DAGLA: variants seen among roughly 807,000 people sequenced by gnomAD.
DAGLA encodes diacylglycerol lipase-alpha.
A neutral mutation model predicts 102.6 loss-of-function variants in DAGLA; 22 were observed. The ratio of observed to expected loss-of-function variants is 0.21; its 90% CI spans 0.15 to 0.31. DAGLA has a LOEUF of 0.31. DAGLA is among the 10% of genes least tolerant of loss of function. The pLI, the probability that DAGLA is intolerant of heterozygous loss-of-function variation, is 1.00. For missense variants in DAGLA, 927 were observed against 1,446.6 expected (o/e 0.64, Z 5.83); for synonymous variants, 578 against 628.9 (o/e 0.92, Z 1.21).
At position 61,734,324 on chromosome 11, in the gene DAGLA, G is replaced by A. The variant is rs1320664943; in HGVS notation, c.975-525G>A. 1.3e-5 allele frequency among the ~76,000 whole-genome samples: 2 copies of A among 151,996 alleles called. No homozygotes were observed. The highest frequency in any genetic ancestry group is 4.8e-5 in the African/African-American group (2 of 41,370). Reference sequence around the variant, plus strand: ...AGGCCAAGCCACCGAGGGGCCTTGGGAAGACCTCAGGAGGGTTGGGGTACA... The same window carrying A: ...AGGCCAAGCCACCGAGGGGCCTTGGAAAGACCTCAGGAGGGTTGGGGTACA... On this transcript the variant is annotated intron_variant, in intron 9 of 19. Coordinates refer to ENST00000257215, the MANE Select transcript of DAGLA (RefSeq NM_006133.3). This position sits in a 1 kb window ranked among gnomAD's most constrained non-coding sequence, Gnocchi z 4.2.
intron 1 of DAGLA, among the ~76,000 whole-genome samples, chr11:61,681,506 G>A (rs2064942051): frequency 6.6e-6 from 1 of 152,154 alleles, no homozygotes; most frequent in Admixed American, 6.5e-5. Context: ...GGGTCAGCGA[G>A]TGAGGGAGTG....
intron 9 of DAGLA, among the ~76,000 whole-genome samples, chr11:61,733,353 T>G (rs921318646): frequency 6.6e-6 from 1 of 152,172 alleles, no homozygotes; most frequent in East Asian, 1.9e-4. Flanking sequence ...ACCTGCAGTG[T>G]GGGGGACCAT....
rs781470112 is a variant in DAGLA, at chr11:61,734,400, G to A, written c.975-449G>A. Among the ~76,000 whole-genome samples the A allele has an allele frequency of 6.6e-6, 1 of 152,048 alleles. No individual in the cohort carries two copies. The highest frequency in any genetic ancestry group is 2.4e-5 in the African/African-American group (1 of 41,382). On this transcript the variant is annotated intron_variant, in intron 9 of 19. Coordinates refer to ENST00000257215, the MANE Select transcript of DAGLA (RefSeq NM_006133.3). The surrounding 1 kb of genome is among the most constrained non-coding windows in gnomAD (Gnocchi z 4.2). Reference sequence around the variant, plus strand: ...GGCAGGGTGTCAGGTGTCCGAGAGAGGTGCTGGCTAGGCCATTGGATGGAA... The same window carrying A: ...GGCAGGGTGTCAGGTGTCCGAGAGAAGTGCTGGCTAGGCCATTGGATGGAA...
intron 1 of DAGLA, among the ~76,000 whole-genome samples, chr11:61,700,573 C>T (rs1481124625): frequency 1.3e-5 from 2 of 152,200 alleles, no homozygotes. Context: ...GTCCTCAGGC[C>T]AAGGGGAACA....
rs2065527858 is a variant in DAGLA at position 61,745,359 on chromosome 11, C to G, written c.*870C>G. On this transcript the variant is annotated 3_prime_UTR_variant, in exon 20 of 20. Transcript: ENST00000257215. ...GAAGGAAGGCACTGAGAGCCCCCTT[C>G]CTCTGAGGGCCCCACCTCACCCCTT... 1 of 152,698 alleles carries G rather than the reference C, an allele frequency of 6.5e-6. No homozygotes were observed. The highest frequency in any genetic ancestry group is 1.5e-5 in the Non-Finnish European group (1 of 68,266). The allele number at this position is 152,698 out of a possible 1,614,324, so 9.5% of individuals were successfully genotyped here. A position where few individuals can be genotyped will look rare whatever the true frequency, so the allele number is the denominator to read the frequency against.
chr11:61,744,022 GGGCC>G lies in DAGLA; in HGVS notation c.2667_2670del (p.Ala890ProfsTer113), dbSNP rs2065510700. ...GGAAGAGGTTGGCGGTGGGGGTGGC[GGGCC>G]GGCCTCCCGCGGGGAGCTGGCGCTG... On this transcript the variant is annotated frameshift_variant, in exon 20 of 20. Coordinates refer to ENST00000257215, the MANE Select transcript of DAGLA (RefSeq NM_006133.3). LOFTEE classifies it high-confidence loss of function. The G allele has an allele frequency of 6.2e-7, 1 of 1,611,952 alleles. No individual in the cohort carries two copies. Among genetic ancestry groups the G allele is most frequent in the Non-Finnish European group, 8.5e-7 (1 of 1,179,704 alleles).
chr11:61,733,048 G>A (rs965191727), intron 9 of DAGLA, among the ~76,000 whole-genome samples: 2 of 152,198 alleles, frequency 1.3e-5, no homozygotes, highest in African/African-American at 4.8e-5. Flanking sequence ...GGAGCCACTC[G>A]TTATTAAGAA....
intron 8 of DAGLA, among the ~76,000 whole-genome samples, chr11:61,730,455 T>C (rs967979507): frequency 1.3e-5 from 2 of 152,132 alleles, no homozygotes; most frequent in African/African-American, 4.8e-5. Context: ...CAGGGATGTT[T>C]CCACCCCTCC....
chr11:61,730,240 C>G (rs1339221746), intron 8 of DAGLA, among the ~76,000 whole-genome samples: 1 of 152,010 alleles, frequency 6.6e-6, no homozygotes, highest in Non-Finnish European at 1.5e-5. Context: ...TTCTCACCAC[C>G]TTCTCCCTCC....
At chr11:61,737,935 C>T (rs954200288) in intron 15 of DAGLA, among the ~76,000 whole-genome samples, 180 bp downstream of exon 15, 7 of 152,050 alleles carry the variant, frequency 4.6e-5, no homozygotes, top group African/African-American at 9.7e-5. Context: ...CACGTGCTGG[C>T]GCCCGCCCTG....
chr11:61,713,272 T>C (rs2065209048), intron 1 of DAGLA, among the ~76,000 whole-genome samples: 1 of 152,206 alleles, frequency 6.6e-6, no homozygotes, highest in Non-Finnish European at 1.5e-5. Flanking sequence ...AGAAACAGCA[T>C]GCAGAGGTAA....
rs1041628944 is a variant in DAGLA at position 61,684,487 on chromosome 11, G to T, written c.-45+3983G>T. On this transcript the variant is annotated intron_variant, in intron 1 of 19. Coordinates refer to ENST00000257215, the MANE Select transcript of DAGLA (RefSeq NM_006133.3). The surrounding 1 kb of genome is among the most constrained non-coding windows in gnomAD (Gnocchi z 4.5). The stretch of plus-strand genomic sequence containing the variant: ...GTGAGTGTGGGTGTGGACGTGGGTT[G>T]TGTGTGTGGGCAGGAAAGACCCAGG... Among the ~76,000 whole-genome samples, 3 of 152,162 alleles carry T rather than the reference G, an allele frequency of 2.0e-5. No homozygotes were observed. Among genetic ancestry groups the T allele is most frequent in the African/African-American group, 7.2e-5 (3 of 41,422 alleles).
At position 61,698,324 on chromosome 11, in the gene DAGLA, G is replaced by T. The variant is rs528526902; in HGVS notation, c.-45+17820G>T. 5.3e-5 allele frequency among the ~76,000 whole-genome samples: 8 copies of T among 152,352 alleles called. No individual in the cohort carries two copies. In the South Asian group the frequency reaches 1.7e-3, roughly 32 times the overall value. On this transcript the variant is annotated intron_variant, in intron 1 of 19. Coordinates refer to ENST00000257215, the MANE Select transcript of DAGLA (RefSeq NM_006133.3). Reference sequence around the variant, plus strand: ...GGGCGGCCCAGCTCTCTGCAAGTTGGCTGGGAGACCTCAGAATGAGGAGCG... The same window carrying T: ...GGGCGGCCCAGCTCTCTGCAAGTTGTCTGGGAGACCTCAGAATGAGGAGCG...
rs1409665148 is a variant in DAGLA at position 61,744,697 on chromosome 11, A to G, written c.*208A>G. 2 of 535,176 alleles carry G rather than the reference A, an allele frequency of 3.7e-6. No individual in the cohort carries two copies. The highest frequency in any genetic ancestry group is 6.2e-5 in the East Asian group (2 of 32,186). 33.2% of individuals were successfully genotyped at this position (535,176 alleles called of 1,614,324 possible). ...AGGTGGCTGGGATCTGGCCCCACAG[A>G]TGGGGAAAGATGGGGAAGGGTGTGG... On this transcript the variant is annotated 3_prime_UTR_variant, in exon 20 of 20. Transcript: ENST00000257215.
chr11:61,687,161 C>T (rs892904502), intron 1 of DAGLA, among the ~76,000 whole-genome samples: 12 of 152,130 alleles, frequency 7.9e-5, no homozygotes, highest in African/African-American at 2.4e-4. Context: ...ATCTTACGGG[C>T]GGCTTAGGGA....
intron 1 of DAGLA, among the ~76,000 whole-genome samples, chr11:61,705,211 G>A (rs1340947787): frequency 6.6e-6 from 1 of 152,198 alleles, no homozygotes; most frequent in Non-Finnish European, 1.5e-5. Flanking sequence ...AGCTGGGGTC[G>A]TCTTTGACAG....
chr11:61,735,834 C>A lies in DAGLA; in HGVS notation c.1290+18C>A. 6.3e-7 allele frequency: 1 copy of A among 1,594,818 alleles called. No homozygotes were observed. The highest frequency in any genetic ancestry group is 8.5e-7 in the Non-Finnish European group (1 of 1,170,570). ...GCCACAAGGTAACCCACGTCATGGA[C>A]CCCAGGGCCCCTGGGCTTCTTTCCT... On this transcript the variant is annotated intron_variant, in intron 12 of 19. Transcript: ENST00000257215.
At chr11:61,685,811 G>A (rs1299810560) in intron 1 of DAGLA, among the ~76,000 whole-genome samples, 3 of 152,084 alleles carry the variant, frequency 2.0e-5, no homozygotes, top group Non-Finnish European at 4.4e-5. Context: ...GGCAGCAACG[G>A]GGGCGGGTTG....
intron 1 of DAGLA, among the ~76,000 whole-genome samples, chr11:61,709,317 T>C (rs1243499844): frequency 6.6e-6 from 1 of 152,216 alleles, no homozygotes; most frequent in Admixed American, 6.5e-5. Context: ...CAATCTTCGC[T>C]CACTGCAACC....
Sources: allele counts gnomAD v4.1 joint callset (sites outside exome capture counted in the v4.1 genomes callset), GRCh38; gene constraint gnomAD v4.1.1; non-coding constraint Gnocchi (gnomAD v3.1); transcripts MANE v1.5; gene names NCBI Gene and HGNC (gene_info 2026-07-23, HGNC 2026-07-21).